Variants in MAPK10 observed in about 807,000 individuals in gnomAD.
MAPK10 encodes the protein JNK3 alpha protein kinase.
A neutral mutation model predicts 59.3 loss-of-function variants in MAPK10; 25 were observed. That is an observed-to-expected ratio of 0.42 (90% CI 0.31 to 0.59). The LOEUF (loss-of-function observed/expected upper bound fraction) is 0.59. Among genes scored for constraint, MAPK10 ranks in the 20% least tolerant of loss-of-function variants. The probability of loss-of-function intolerance (pLI) is 0.15; values close to 1 mark genes in which losing one functional copy is unlikely to be tolerated. For synonymous variants in MAPK10, 190 were observed against 200.5 expected (o/e 0.95, Z 0.44); for missense variants, 351 against 568.9 (o/e 0.62, Z 3.90).
intron 2 of MAPK10, chr4:86,327,867 T>G (rs566639473): frequency 6.6e-6 from 1 of 150,720 alleles, no homozygotes; most frequent in Admixed American, 6.6e-5. Context: ...GAAGAATTGC[T>G]TGAACCCAGG....
chr4:86,372,792 T>C (rs1739110468), intron 1 of MAPK10, among the ~76,000 whole-genome samples: 1 of 152,150 alleles, frequency 6.6e-6, no homozygotes, highest in African/African-American at 2.4e-5. Context: ...TAGCACTAAA[T>C]GCCCACATCA....
chr4:86,511,806 G>A (rs1756289330), intron 1 of MAPK10, among the ~76,000 whole-genome samples: 2 of 148,542 alleles, frequency 1.3e-5, no homozygotes, highest in African/African-American at 5.0e-5. Context: ...AGGAAGGAAG[G>A]AAGGAAACAA....
intron 2 of MAPK10, among the ~76,000 whole-genome samples, chr4:86,276,662 G>A (rs1220988363): frequency 6.6e-6 from 1 of 152,092 alleles, no homozygotes; most frequent in African/African-American, 2.4e-5. Context: ...TCCTCTGCAT[G>A]GCTAAAGATA....
At position 86,308,146 on chromosome 4, in the gene MAPK10, A is replaced by G. The variant is rs138059884; in HGVS notation, c.-7+46384T>C. 4.7e-3 allele frequency among the ~76,000 whole-genome samples: 715 copies of G among 152,290 alleles called. 5 individuals are homozygous for G. The highest frequency in any genetic ancestry group is 8.7e-3 in the Non-Finnish European group (593 of 68,004). ...CAAAAAAAGAGAATTGATTTGGGAG[A>G]AAGAAAATGGTTATTGAACACATTA... On this transcript the variant is annotated intron_variant, in intron 2 of 13. Transcript: ENST00000641462.
At chr4:86,302,836 G>T (rs2095495054) in intron 2 of MAPK10, among the ~76,000 whole-genome samples, 2 of 152,112 alleles carry the variant, frequency 1.3e-5, no homozygotes, top group Admixed American at 1.3e-4. Flanking sequence ...AAATGGTAAG[G>T]AAGTGGAGGT....
intron 11 of MAPK10, among the ~76,000 whole-genome samples, chr4:86,033,664 G>T (rs957517659): frequency 5.3e-5 from 8 of 152,184 alleles, no homozygotes; most frequent in Admixed American, 4.6e-4. Flanking sequence ...CTGAGTTCAA[G>T]ATTTTTCCTT....
intron 1 of MAPK10, among the ~76,000 whole-genome samples, chr4:86,544,106 C>T (rs1378800288): frequency 6.6e-6 from 1 of 152,046 alleles, no homozygotes; most frequent in Non-Finnish European, 1.5e-5. Context: ...TGAGGAATTC[C>T]AATAAGAAGA....
At chr4:86,286,345 G>A (rs983843628) in intron 2 of MAPK10, among the ~76,000 whole-genome samples, 3 of 152,046 alleles carry the variant, frequency 2.0e-5, no homozygotes, top group East Asian at 1.9e-4. Flanking sequence ...AAACTACCAC[G>A]TTATTCTCAT....
At chr4:86,245,885 C>A (rs1374366822) in intron 2 of MAPK10, among the ~76,000 whole-genome samples, 1 of 151,900 alleles carries the variant, frequency 6.6e-6, no homozygotes, top group East Asian at 1.9e-4. Context: ...CTAATTAAAC[C>A]CCAAAATATA....
intron 2 of MAPK10, among the ~76,000 whole-genome samples, chr4:86,197,743 T>C (rs1036746385): frequency 6.6e-6 from 1 of 152,150 alleles, no homozygotes; most frequent in Non-Finnish European, 1.5e-5. Context: ...CTGCAGGTTT[T>C]TTAAATTTAA....
chr4:86,037,205 C>T (rs985270425), intron 11 of MAPK10, among the ~76,000 whole-genome samples: 2 of 152,180 alleles, frequency 1.3e-5, no homozygotes, highest in Non-Finnish European at 2.9e-5. Context: ...ATCTCTTTAA[C>T]AAGTACCTGT....
chr4:86,193,603 C>G (rs577834856), intron 3 of MAPK10: 24 of 152,530 alleles, frequency 1.6e-4, no homozygotes, highest in East Asian at 1.4e-3. Flanking sequence ...GCCCCTCCCC[C>G]CAACCAAGCT....
intron 1 of MAPK10, among the ~76,000 whole-genome samples, chr4:86,383,018 T>C (rs1212900061): frequency 1.3e-5 from 2 of 152,142 alleles, no homozygotes; most frequent in African/African-American, 4.8e-5. Flanking sequence ...AAATAGTAAA[T>C]TGAGTTAAGA....
intron 3 of MAPK10, among the ~76,000 whole-genome samples, chr4:86,190,995 GT>G (rs749649927): frequency 6.6e-6 from 1 of 151,944 alleles, no homozygotes; most frequent in Non-Finnish European, 1.5e-5. Flanking sequence ...CCTTAATTTT[GT>G]TATTTACCCA....
chr4:86,158,061 T>G (rs1182508563), intron 4 of MAPK10, among the ~76,000 whole-genome samples: 1 of 151,970 alleles, frequency 6.6e-6, no homozygotes, highest in Non-Finnish European at 1.5e-5. Flanking sequence ...TTTAGGAGAG[T>G]TACAGCAATT....
At chr4:86,061,518 A>T (rs1395835575) in intron 11 of MAPK10, among the ~76,000 whole-genome samples, 1 of 152,078 alleles carries the variant, frequency 6.6e-6, no homozygotes, top group Non-Finnish European at 1.5e-5. Flanking sequence ...TACATGACTA[A>T]TTTTCCCTCT....
At chr4:86,587,860 T>G (rs1227490756) in intron 1 of MAPK10, among the ~76,000 whole-genome samples, 1 of 152,108 alleles carries the variant, frequency 6.6e-6, no homozygotes, top group East Asian at 1.9e-4. Context: ...TGTCAAAAAA[T>G]TATGGATGAA....
chr4:86,361,264 A>G (rs964427608), upstream of MAPK10, among the ~76,000 whole-genome samples: 59 of 152,324 alleles, frequency 3.9e-4, no homozygotes, highest in Admixed American at 3.1e-3. Flanking sequence ...ATTTAGAAAA[A>G]GGAAGGCTTG....
At chr4:86,391,380 T>C (rs1742156043) in intron 1 of MAPK10, among the ~76,000 whole-genome samples, 1 of 152,232 alleles carries the variant, frequency 6.6e-6, no homozygotes, top group South Asian at 2.1e-4. Context: ...CTTGTGGTCA[T>C]ACAAGTCAGA....
Sources: allele counts gnomAD v4.1 joint callset (sites outside exome capture counted in the v4.1 genomes callset), GRCh38; gene constraint gnomAD v4.1.1; transcripts MANE v1.5; gene names NCBI Gene and HGNC (gene_info 2026-07-23, HGNC 2026-07-21).